LEMD3: variants seen among roughly 807,000 people sequenced by gnomAD.
LEMD3 encodes the protein inner nuclear membrane protein Man1.
LEMD3 carries 33 observed loss-of-function variants against 95.2 expected under a neutral mutation model. The observed-to-expected ratio is 0.35, with a 90% CI of 0.26 to 0.46. The LOEUF (loss-of-function observed/expected upper bound fraction) is 0.46. LEMD3 is among the 20% of genes least tolerant of loss of function. LEMD3 has a pLI of 1.00. For missense variants in LEMD3, 1,210 were observed against 1,192.8 expected (o/e 1.01, Z -0.21); for synonymous variants, 525 against 474.6 (o/e 1.11, Z -1.38).
chr12:65,201,188 C>T (rs1869590470), intron 1 of LEMD3, among the ~76,000 whole-genome samples: 1 of 152,124 alleles, frequency 6.6e-6, no homozygotes, highest in Admixed American at 6.6e-5. Flanking sequence ...ACCACACTGT[C>T]TAGATTATTG....
Position 65,170,397 on chromosome 12 carries a change from C to T in LEMD3, c.801C>T (p.Asp267=). 1.2e-6 allele frequency: 2 copies of T among 1,614,076 alleles called. No homozygotes were observed. The highest frequency in any genetic ancestry group is 1.1e-5 in the South Asian group (1 of 91,076). The part of the protein sequence containing the change: ...NYSDSEEEDD[D]DVASSRQVLK... ...CGGACTCAGAGGAAGAGGACGACGA[C>T]GACGTGGCCTCCAGCAGACAGGTAT... Residue 267 remains aspartate, a synonymous_variant, in exon 1 of 13, where the codon GAC becomes GAT. Coordinates refer to ENST00000308330, the MANE Select transcript of LEMD3 (RefSeq NM_014319.5).
intron 4 of LEMD3, among the ~76,000 whole-genome samples, chr12:65,235,303 A>G (rs1037141002): frequency 3.9e-5 from 6 of 152,162 alleles, no homozygotes; most frequent in Non-Finnish European, 7.4e-5. Context: ...TAGTATATTT[A>G]TAACAATTGA....
chr12:65,172,149 G>C (rs1401034883), intron 1 of LEMD3, among the ~76,000 whole-genome samples: 1 of 152,160 alleles, frequency 6.6e-6, no homozygotes, highest in South Asian at 2.1e-4. Context: ...GAGAGAGTCA[G>C]AGTTAAAGCT....
chr12:65,176,262 C>T (rs901509669), intron 1 of LEMD3, among the ~76,000 whole-genome samples: 1 of 152,206 alleles, frequency 6.6e-6, no homozygotes, highest in Non-Finnish European at 1.5e-5. Flanking sequence ...TGTTCATGAT[C>T]TGACTATGCT....
At chr12:65,221,736 C>CTTTTTTTTTTTTTTTT (rs57423350) in intron 4 of LEMD3, among the ~76,000 whole-genome samples, 1 of 127,248 alleles carries the variant, frequency 7.9e-6, no homozygotes, top group Non-Finnish European at 1.6e-5. Context: ...GAAAATCTCT[C>CTTTTTTTTTTTTTTTT]TTTTTTTTTT....
intron 9 of LEMD3, among the ~76,000 whole-genome samples, chr12:65,242,809 T>G (rs1277279722): frequency 6.6e-6 from 1 of 152,190 alleles, no homozygotes; most frequent in Non-Finnish European, 1.5e-5. Context: ...AAATATGTAG[T>G]TTTAAAAGAC....
intron 4 of LEMD3, among the ~76,000 whole-genome samples, chr12:65,221,762 A>C (rs1387476545): frequency 7.5e-6 from 1 of 133,958 alleles, no homozygotes; most frequent in Admixed American, 7.6e-5. Context: ...TTTCCTTGAG[A>C]CAGAGTCTCA....
chr12:65,191,924 CAAAAAAAAA>C (rs35109917), intron 1 of LEMD3, among the ~76,000 whole-genome samples: 2 of 74,324 alleles, frequency 2.7e-5, no homozygotes, highest in African/African-American at 5.7e-5. Flanking sequence ...GACTCCGTCT[CAAAAAAAAA>C]AAAAAAAAAA....
chr12:65,247,703 T>A lies in LEMD3; in HGVS notation c.*1378T>A, dbSNP rs916587457. The A allele has an allele frequency of 2.0e-5, 3 of 152,598 alleles. No individual in the cohort carries two copies. The highest frequency in any genetic ancestry group is 1.3e-4 in the Admixed American group (2 of 15,276). 9.5% of individuals were successfully genotyped at this position (152,598 alleles called of 1,614,324 possible). A position where few individuals can be genotyped will look rare whatever the true frequency, so the allele number is the denominator to read the frequency against. ...GTTGTATTTAAAGCTCAGTTTCCTT[T>A]TTGTTTTATTGTATGCGTTGGGTTT... is the stretch of plus-strand genomic sequence containing the variant. On this transcript the variant is annotated 3_prime_UTR_variant, in exon 13 of 13. Transcript: ENST00000308330.
At chr12:65,172,929 C>T (rs1007778889) in intron 1 of LEMD3, among the ~76,000 whole-genome samples, 19 of 152,042 alleles carry the variant, frequency 1.2e-4, no homozygotes, top group African/African-American at 4.6e-4. Flanking sequence ...AGGGTTTCAC[C>T]ATGTTAGCAG....
intron 4 of LEMD3, among the ~76,000 whole-genome samples, chr12:65,223,021 G>C (rs755663584): frequency 2.0e-5 from 3 of 151,958 alleles, no homozygotes; most frequent in Admixed American, 6.6e-5. Flanking sequence ...GATTTCGGTC[G>C]TCTTTAATGT....
intron 6 of LEMD3, 45 bp from the exon 7 acceptor site, chr12:65,239,884 A>T (rs772647328): frequency 3.1e-6 from 4 of 1,276,324 alleles, no homozygotes; most frequent in South Asian, 2.4e-5. Flanking sequence ...TTATTGAATG[A>T]TATTGACCAC....
Position 65,215,997 on chromosome 12 carries a change from G to A in LEMD3, c.1581G>A (p.Met527Ile). 1 of 1,561,262 alleles carries A rather than the reference G, an allele frequency of 6.4e-7. No homozygotes were observed. The highest frequency in any genetic ancestry group is 2.3e-5 in the East Asian group (1 of 43,622). Residue 527 changes from methionine (M) to isoleucine (I), a missense_variant, in exon 3 of 13, where the codon ATG becomes ATA. By Grantham distance (10) the Met-to-Ile change is conservative. Coordinates refer to ENST00000308330, the MANE Select transcript of LEMD3 (RefSeq NM_014319.5). The stretch of plus-strand genomic sequence containing the variant: ...TTTAGGAAAGTGAAAAAACTCTTAT[G>A]ATGAACACATTATATAAGCTTCATG... ...GKIQESEKTL[M>I]MNTLYKLHDR...
At chr12:65,228,189 C>T (rs544682483) in intron 4 of LEMD3, among the ~76,000 whole-genome samples, 1 of 152,142 alleles carries the variant, frequency 6.6e-6, no homozygotes, top group Non-Finnish European at 1.5e-5. Flanking sequence ...AAAGAAGGGA[C>T]ACAGATGCGG....
intron 3 of LEMD3, among the ~76,000 whole-genome samples, 180 bp downstream of exon 3, chr12:65,216,223 T>TA (rs1166323861): frequency 6.6e-6 from 1 of 151,872 alleles, no homozygotes; most frequent in Non-Finnish European, 1.5e-5. Context: ...TGAAGGCTTT[T>TA]TTCCTGCCTG....
chr12:65,201,603 G>C (rs1040744736), intron 1 of LEMD3, among the ~76,000 whole-genome samples: 1 of 152,068 alleles, frequency 6.6e-6, no homozygotes, highest in Non-Finnish European at 1.5e-5. Flanking sequence ...TTCCTTACTG[G>C]CATATAGCAA....
intron 1 of LEMD3, among the ~76,000 whole-genome samples, chr12:65,175,647 G>T (rs540368516): frequency 6.6e-6 from 1 of 152,056 alleles, no homozygotes; most frequent in South Asian, 2.1e-4. Context: ...TTAAATATTG[G>T]TGGTCTCCAC....
At chr12:65,213,963 T>C (rs1870023207) in intron 2 of LEMD3, among the ~76,000 whole-genome samples, 1 of 152,206 alleles carries the variant, frequency 6.6e-6, no homozygotes, top group Non-Finnish European at 1.5e-5. Flanking sequence ...TACACTGTCA[T>C]TGGAACACCT....
intron 2 of LEMD3, 51 bp downstream of exon 2, chr12:65,211,014 A>T: frequency 7.5e-7 from 1 of 1,328,552 alleles, no homozygotes; most frequent in Non-Finnish European, 1.1e-6. Flanking sequence ...TTTATATGAT[A>T]AAAGCATGAG....
Sources: gnomAD v4.1 joint callset for allele counts (sites outside exome capture counted in the v4.1 genomes callset) on GRCh38, gnomAD v4.1.1 for gene constraint, MANE v1.5 for transcripts, NCBI Gene and HGNC (gene_info 2026-07-23, HGNC 2026-07-21) for gene names.